TAOK3: variants seen among roughly 807,000 people sequenced by gnomAD.
TAOK3 encodes the protein serine/threonine-protein kinase TAO3.
In TAOK3, 40 loss-of-function variants were observed where a neutral mutation model predicts 120.4. That is an observed-to-expected ratio of 0.33 (90% CI 0.26 to 0.43). The LOEUF is 0.43. TAOK3 is among the 20% of genes least tolerant of loss of function. TAOK3 has a pLI of 1.00. For synonymous variants in TAOK3, 355 were observed against 387.5 expected (o/e 0.92, Z 0.99); for missense variants, 821 against 1,112.1 (o/e 0.74, Z 3.72).
At chr12:118,152,118 A>G in intron 20 of TAOK3, 109 bp downstream of exon 20, 2 of 1,073,052 alleles carry the variant, frequency 1.9e-6, no homozygotes, top group Middle Eastern at 3.0e-4. Context: ...CAGATAAGTG[A>G]AAAGTGCCCA....
In TAOK3 at chr12:118,166,852, A is replaced by C. The variant is rs138276346; in HGVS notation, c.1900-4825T>G. Among the ~76,000 whole-genome samples, 1,187 of 150,500 alleles carry C rather than the reference A, an allele frequency of 7.9e-3. 7 individuals are homozygous for C. The highest frequency in any genetic ancestry group is 0.031 in the Middle Eastern group (9 of 294). ...TACACACACACACACACACATACAC[A>C]CACACACACACACACACACGTATAA... is the stretch of plus-strand genomic sequence containing the variant. On this transcript the variant is annotated intron_variant, in intron 17 of 20. Transcript: ENST00000392533.
chr12:118,244,984 AG>A lies in TAOK3; in HGVS notation c.121-20del. On this transcript the variant is annotated intron_variant, in intron 3 of 20. Transcript: ENST00000392533. ...TTGTAGCCTGTGTTAAGAGGGTAGA[AG>A]AAAAAGAAAAAGAATTAGTGATGTT... 6.6e-7 allele frequency: 1 copy of A among 1,523,866 alleles called. No individual in the cohort carries two copies. The highest frequency in any genetic ancestry group is 9.0e-7 in the Non-Finnish European group (1 of 1,107,362). The allele number at this position is 1,523,866 out of a possible 1,614,324, so 94.4% of individuals were successfully genotyped here.
chr12:118,351,119 C>A (rs2141220988), intron 1 of TAOK3, among the ~76,000 whole-genome samples: 1 of 152,184 alleles, frequency 6.6e-6, no homozygotes, highest in Middle Eastern at 3.4e-3. Context: ...GTGGAGGCTG[C>A]AGTGAACTGA....
At chr12:118,361,162 C>T (rs895602116) in intron 1 of TAOK3, among the ~76,000 whole-genome samples, 6 of 152,120 alleles carry the variant, frequency 3.9e-5, no homozygotes, top group African/African-American at 1.4e-4. Context: ...GATAATGCCC[C>T]CGTACTGAAT....
intron 16 of TAOK3, among the ~76,000 whole-genome samples, chr12:118,173,932 A>G (rs990930941): frequency 6.6e-6 from 1 of 152,212 alleles, no homozygotes; most frequent in African/African-American, 2.4e-5. Flanking sequence ...TCAACTTTCA[A>G]CTATCCTGTT....
At position 118,161,942 on chromosome 12, in the gene TAOK3, C is replaced by T; in HGVS notation, c.1985G>A (p.Arg662Lys). Residue 662 changes from arginine to lysine, a missense_variant, in exon 18 of 21, where the codon AGG (arginine) becomes AAG (lysine). Transcript: ENST00000392533. The surrounding 1 kb of genome is among the most constrained non-coding windows in gnomAD (Gnocchi z 4.5). ...TAGCTTCTGTAACGTGTGCAGCTGC[C>T]TGTACTCTAGCTCTCGGGTGGACTC... ...HDESTRELEYRQLHTLQKLRM... is the reference protein window; with the variant it reads ...HDESTRELEYKQLHTLQKLRM... The T allele has an allele frequency of 6.2e-7, 1 of 1,613,970 alleles. No homozygotes were observed. Among genetic ancestry groups the T allele is most frequent in the Non-Finnish European group, 8.5e-7 (1 of 1,179,982 alleles).
At chr12:118,363,953 C>T (rs2045676165) in intron 1 of TAOK3, among the ~76,000 whole-genome samples, 1 of 152,104 alleles carries the variant, frequency 6.6e-6, no homozygotes, top group South Asian at 2.1e-4. Context: ...GAAACCTTGT[C>T]TCTACTAAAA....
At chr12:118,273,460 A>G (rs2041794367) in intron 1 of TAOK3, among the ~76,000 whole-genome samples, 1 of 150,390 alleles carries the variant, frequency 6.6e-6, no homozygotes, top group African/African-American at 2.5e-5. Context: ...CGAGATCGGC[A>G]CCACTGCACT....
intron 19 of TAOK3, among the ~76,000 whole-genome samples, chr12:118,157,099 C>T (rs1156425144): frequency 1.3e-5 from 2 of 152,212 alleles, no homozygotes; most frequent in African/African-American, 2.4e-5. Context: ...CTGGACTCTC[C>T]ACATCCAACC....
chr12:118,168,189 G>A (rs2035732879), intron 17 of TAOK3, among the ~76,000 whole-genome samples: 1 of 152,198 alleles, frequency 6.6e-6, no homozygotes, highest in Admixed American at 6.5e-5. Flanking sequence ...GTGAAGATGG[G>A]CTGATGCTGG....
In TAOK3 at chr12:118,154,141, T is replaced by C. The variant is rs186690917; in HGVS notation, c.2353-1732A>G. Among the ~76,000 whole-genome samples the C allele has an allele frequency of 1.3e-5, 2 of 152,330 alleles. 1 individual carries two copies. Among genetic ancestry groups the C allele is most frequent in the Admixed American group, 1.3e-4 (2 of 15,298 alleles). On this transcript the variant is annotated intron_variant, in intron 19 of 20. Coordinates refer to ENST00000392533, the MANE Select transcript of TAOK3 (RefSeq NM_016281.4). ...CCCTCTTGATATGGGAGGTTCCTTA[T>C]CAGTAAAGGCAGTGAAAGTCCTGTT...
At chr12:118,269,993 T>C (rs1333172763) in intron 1 of TAOK3, among the ~76,000 whole-genome samples, 1 of 152,196 alleles carries the variant, frequency 6.6e-6, no homozygotes, top group Non-Finnish European at 1.5e-5. Flanking sequence ...TACTTCCTCT[T>C]CTCTCTGATG....
At chr12:118,292,222 C>T (rs1044267056) in intron 1 of TAOK3, among the ~76,000 whole-genome samples, 5 of 152,162 alleles carry the variant, frequency 3.3e-5, no homozygotes, top group East Asian at 1.9e-4. Context: ...TGTCTTCAAT[C>T]GACAAGTCTA....
At chr12:118,321,424 C>T (rs1186125761) in intron 1 of TAOK3, among the ~76,000 whole-genome samples, 1 of 152,118 alleles carries the variant, frequency 6.6e-6, no homozygotes, top group Non-Finnish European at 1.5e-5. Context: ...CCACATCTGG[C>T]TAGTTTTCAT....
chr12:118,232,803 G>A (rs2039840129), intron 9 of TAOK3, among the ~76,000 whole-genome samples: 2 of 152,210 alleles, frequency 1.3e-5, no homozygotes, highest in South Asian at 4.2e-4. Flanking sequence ...CACTCAGGAG[G>A]CTAAAGGAGG....
At chr12:118,329,598 C>A (rs1275471810) in intron 1 of TAOK3, among the ~76,000 whole-genome samples, 2 of 152,062 alleles carry the variant, frequency 1.3e-5, no homozygotes, top group Non-Finnish European at 2.9e-5. Flanking sequence ...GTTGGAAGAG[C>A]AAGATTTTTA....
chr12:118,368,411 T>A (rs942746511), intron 1 of TAOK3, among the ~76,000 whole-genome samples: 1 of 151,904 alleles, frequency 6.6e-6, no homozygotes, highest in Non-Finnish European at 1.5e-5. Context: ...TTGGTTAGGC[T>A]GGTCTCGAAT....
chr12:118,288,915 CAAAAA>C (rs34740967), intron 1 of TAOK3, among the ~76,000 whole-genome samples: 2 of 94,212 alleles, frequency 2.1e-5, no homozygotes, highest in Non-Finnish European at 2.1e-5. Flanking sequence ...GACTCTATCT[CAAAAA>C]AAAAAAAAAA....
rs563474491 is a variant in TAOK3, at chr12:118,245,135, C to T, written c.121-170G>A. On this transcript the variant is annotated intron_variant, in intron 3 of 20. Coordinates refer to ENST00000392533, the MANE Select transcript of TAOK3 (RefSeq NM_016281.4). ...GCAACCTCTACCTCTTGGGTTCAAGCGATTCTCCTGTTTCAGCCTCCCAAG... is the reference window on the plus strand; with the variant it reads ...GCAACCTCTACCTCTTGGGTTCAAGTGATTCTCCTGTTTCAGCCTCCCAAG... Among the ~76,000 whole-genome samples, 41 of 152,190 alleles carry T rather than the reference C, an allele frequency of 2.7e-4. No individual in the cohort carries two copies. The South Asian group carries it at 4.8e-3, about 18-fold the overall frequency.
Sources: gnomAD v4.1 joint callset for allele counts (sites outside exome capture counted in the v4.1 genomes callset) on GRCh38, gnomAD v4.1.1 for gene constraint, Gnocchi (gnomAD v3.1) non-coding constraint, MANE v1.5 for transcripts, NCBI Gene and HGNC (gene_info 2026-07-23, HGNC 2026-07-21) for gene names.